Variants in KPNA7 observed in about 807,000 individuals in gnomAD.
KPNA7 encodes the protein importin subunit alpha-8.
Under a neutral mutation model 53.7 loss-of-function variants are expected in KPNA7, and 54 were observed. That is an observed-to-expected ratio of 1.01 (90% confidence interval 0.81 to 1.26). The LOEUF (loss-of-function observed/expected upper bound fraction) is 1.26. Ranked by LOEUF, KPNA7 falls within the 50% of genes most tolerant of loss-of-function variation. KPNA7 has a pLI of 0.00. For synonymous variants in KPNA7, 276 were observed against 259.3 expected (o/e 1.06, Z -0.62); for missense variants, 640 against 644.5 (o/e 0.99, Z 0.07).
At chr7:99,162,087 C>T in the KPNA7 span, among the ~76,000 whole-genome samples, 1 of 144,964 alleles carries the variant, frequency 6.9e-6, no homozygotes, top group Admixed American at 7.2e-5. Context: ...CTCTTGTTGC[C>T]CAGGCTGGAG....
chr7:99,197,770 T>C (rs1790304426), intron 3 of KPNA7, among the ~76,000 whole-genome samples: 1 of 152,192 alleles, frequency 6.6e-6, no homozygotes, highest in Admixed American at 6.6e-5. Flanking sequence ...TAATTGGAAT[T>C]ATCCAGTCTG....
intron 1 of KPNA7, among the ~76,000 whole-genome samples, chr7:99,215,785 C>T (rs972868535): frequency 3.9e-5 from 6 of 151,996 alleles, no homozygotes; most frequent in Non-Finnish European, 5.9e-5. Flanking sequence ...CTTGGGGCAA[C>T]ACAGTGAGAC....
the KPNA7 span, among the ~76,000 whole-genome samples, chr7:99,153,594 C>T: frequency 2.0e-5 from 3 of 151,320 alleles, no homozygotes; most frequent in Non-Finnish European, 4.4e-5. Flanking sequence ...AGCAAACCTG[C>T]AAGTGTCCAA....
At chr7:99,189,619 G>T (rs34724557) in intron 6 of KPNA7, among the ~76,000 whole-genome samples, 9,552 of 152,016 alleles carry the variant, frequency 0.063, 403 homozygotes, top group South Asian at 0.15. Context: ...CCCAATTGTT[G>T]GGGTTTTTTG....
chr7:99,168,037 C>T, the KPNA7 span, among the ~76,000 whole-genome samples: 13 of 150,912 alleles, frequency 8.6e-5, no homozygotes, highest in Admixed American at 2.0e-4. Context: ...AAAACCAGTC[C>T]GTGGTGTCCA....
chr7:99,212,055 G>T (rs1356831355), upstream of KPNA7, among the ~76,000 whole-genome samples: 1 of 151,960 alleles, frequency 6.6e-6, no homozygotes, highest in Non-Finnish European at 1.5e-5. Context: ...ACACAAGTTG[G>T]CTTAAGACTA....
chr7:99,166,870 G>A, the KPNA7 span, among the ~76,000 whole-genome samples: 11 of 148,938 alleles, frequency 7.4e-5, no homozygotes, highest in South Asian at 2.2e-4. Flanking sequence ...CCACCACCTC[G>A]ACCTCCCAAA....
chr7:99,190,653 C>CT (rs78243243), intron 6 of KPNA7, among the ~76,000 whole-genome samples: 1,434 of 120,682 alleles, frequency 0.012, 12 homozygotes, highest in African/African-American at 0.028. Context: ...GCCAGTAAAA[C>CT]TTTTTTTTTT....
intron 10 of KPNA7, among the ~76,000 whole-genome samples, chr7:99,177,096 G>A (rs1004809282): frequency 3.3e-5 from 5 of 152,164 alleles, no homozygotes; most frequent in Admixed American, 1.3e-4. Flanking sequence ...CTTGAAGATG[G>A]TATGCCAAGA....
intron 8 of KPNA7, among the ~76,000 whole-genome samples, chr7:99,183,857 GT>G (rs901071147): frequency 4.0e-5 from 6 of 151,898 alleles, no homozygotes; most frequent in Admixed American, 1.3e-4. Flanking sequence ...TTTTGTTTTT[GT>G]TTTTTTGCGA....
At chr7:99,174,553 A>C (rs1798833394) in intron 10 of KPNA7, among the ~76,000 whole-genome samples, 1 of 152,130 alleles carries the variant, frequency 6.6e-6, no homozygotes, top group African/African-American at 2.4e-5. Flanking sequence ...TCCTCCACCC[A>C]GCACCTGGCA....
chr7:99,192,997 A>AT, intron 6 of KPNA7, 22 bp downstream of exon 6: 4 of 1,418,256 alleles, frequency 2.8e-6, no homozygotes, highest in South Asian at 1.4e-5. Context: ...AAAAAAAAAA[A>AT]GAGAAAGAAA....
Position 99,181,946 on chromosome 7 carries a change from C to T in KPNA7, c.1254G>A (p.Leu418=), listed in dbSNP as rs1370771580. Reference sequence around the variant, plus strand: ...CAATTTTAACATCTGGGGCAGTGAGCAGATTCACCAGTGGCTCCAGGACCC... The same window carrying T: ...CAATTTTAACATCTGGGGCAGTGAGTAGATTCACCAGTGGCTCCAGGACCC... The part of the protein sequence containing the change: ...HSGVLEPLVN[L]LTAPDVKIVL... Residue 418 remains leucine, a synonymous_variant, in exon 9 of 11, where the codon CTG becomes CTA. Transcript: ENST00000327442. The T allele has an allele frequency of 1.9e-5, 29 of 1,551,354 alleles. No individual in the cohort carries two copies. Among genetic ancestry groups the T allele is most frequent in the Non-Finnish European group, 2.4e-5 (27 of 1,146,710 alleles).
chr7:99,180,149 A>C (rs1799103460), intron 9 of KPNA7, among the ~76,000 whole-genome samples: 1 of 152,188 alleles, frequency 6.6e-6, no homozygotes, highest in Admixed American at 6.5e-5. Flanking sequence ...CAGGCAGCCC[A>C]ATGGAGAAGG....
chr7:99,147,191 G>A, the KPNA7 span, among the ~76,000 whole-genome samples: 10 of 152,330 alleles, frequency 6.6e-5, no homozygotes, highest in East Asian at 1.9e-3. Context: ...TTAACTGGAT[G>A]AAACAGACAT....
the KPNA7 span, among the ~76,000 whole-genome samples, chr7:99,166,180 GTATT>G: frequency 5.7e-4 from 87 of 152,222 alleles, no homozygotes; most frequent in African/African-American, 1.8e-3. Context: ...CCAGACTCAG[GTATT>G]TATTTATAGC....
At chr7:99,215,550 G>A (rs1584327301) in intron 1 of KPNA7, among the ~76,000 whole-genome samples, 1 of 151,886 alleles carries the variant, frequency 6.6e-6, no homozygotes, top group South Asian at 2.1e-4. Context: ...CTTCGTGTAG[G>A]GACATTCTGC....
upstream of KPNA7, among the ~76,000 whole-genome samples, chr7:99,208,193 C>T (rs1790918525): frequency 6.6e-6 from 1 of 152,160 alleles, no homozygotes; most frequent in African/African-American, 2.4e-5. Flanking sequence ...TCACCCACCT[C>T]AGCCTCTTGA....
intron 10 of KPNA7, among the ~76,000 whole-genome samples, chr7:99,174,802 G>C (rs958478929): frequency 1.3e-5 from 2 of 149,546 alleles, no homozygotes; most frequent in Admixed American, 6.7e-5. Flanking sequence ...TTTAAAAGAG[G>C]TCTCTTATTT....
Sources: allele counts gnomAD v4.1 joint callset (sites outside exome capture counted in the v4.1 genomes callset), GRCh38; gene constraint gnomAD v4.1.1; transcripts MANE v1.5; gene names NCBI Gene and HGNC (gene_info 2026-07-23, HGNC 2026-07-21).